The following EPC1 variants were observed in gnomAD, a reference collection of about 807,000 sequenced individuals.
The protein encoded by EPC1 is enhancer of polycomb 1.
Under a neutral mutation model 98.4 loss-of-function variants are expected in EPC1, and 12 were observed. The observed-to-expected ratio is 0.12, with a 90% CI of 0.08 to 0.20. EPC1 has a LOEUF of 0.20. Among genes scored for constraint, EPC1 ranks in the 10% least tolerant of loss-of-function variants. The pLI is 1.00. For missense variants in EPC1, 729 were observed against 990.5 expected, an observed-to-expected ratio of 0.74 and a Z score of 3.54; for synonymous variants, 357 against 363.9, an observed-to-expected ratio of 0.98 and a Z score of 0.21.
chr10:32,372,180 C>T (rs1292080441), intron 1 of EPC1, among the ~76,000 whole-genome samples: 3 of 152,130 alleles, frequency 2.0e-5, no homozygotes, highest in Non-Finnish European at 4.4e-5. Flanking sequence ...TGAAAATTCT[C>T]ATGCCCCACC....
intron 1 of EPC1, among the ~76,000 whole-genome samples, chr10:32,322,862 A>G (rs1218765716): frequency 6.6e-6 from 1 of 152,178 alleles, no homozygotes; most frequent in Non-Finnish European, 1.5e-5. Context: ...TAAAGAAGGG[A>G]TGATTAACGG....
At position 32,269,053 on chromosome 10, in the gene EPC1, T is replaced by C. The variant is rs1835709395; in HGVS notation, c.*10A>G. On this transcript the variant is annotated 3_prime_UTR_variant, in exon 14 of 14. Transcript: ENST00000319778. ...TCAAGTCCCCAGGCTGCAGTTCCAC[T>C]CGGAGGAAGCTACGTCACCTCCATC... 1.2e-6 allele frequency: 2 copies of C among 1,612,454 alleles called. No homozygotes were observed. Among genetic ancestry groups the C allele is most frequent in the African/African-American group, 1.3e-5 (1 of 74,868 alleles).
At chr10:32,304,590 C>A (rs1193767863) in intron 2 of EPC1, among the ~76,000 whole-genome samples, 3 of 152,160 alleles carry the variant, frequency 2.0e-5, no homozygotes, top group East Asian at 3.9e-4. Flanking sequence ...TTTACGCTGT[C>A]CTAAAGAAAA....
At chr10:32,370,831 C>T (rs540611989) in intron 1 of EPC1, among the ~76,000 whole-genome samples, 3 of 152,162 alleles carry the variant, frequency 2.0e-5, no homozygotes, top group Non-Finnish European at 2.9e-5. Context: ...TAGTGAGTAC[C>T]GTATTGGACA....
At chr10:32,338,606 GCCT>G (rs1838126166) in intron 1 of EPC1, among the ~76,000 whole-genome samples, 2 of 152,024 alleles carry the variant, frequency 1.3e-5, no homozygotes, top group Admixed American at 1.3e-4. Flanking sequence ...GAGTACAATG[GCCT>G]CCTGTTTCAG....
intron 1 of EPC1, among the ~76,000 whole-genome samples, chr10:32,324,472 G>A (rs959407464): frequency 6.6e-6 from 1 of 150,982 alleles, no homozygotes; most frequent in Non-Finnish European, 1.5e-5. Flanking sequence ...CCAGGCTGCA[G>A]TGAGCCGAGA....
intron 10 of EPC1, chr10:32,274,149 C>T (rs1262781400): frequency 6.8e-6 from 1 of 147,612 alleles, no homozygotes; most frequent in Admixed American, 6.7e-5. Flanking sequence ...AAAAAAAAAG[C>T]ACATACAATC....
At chr10:32,289,106 TG>T (rs34644592) in intron 6 of EPC1, among the ~76,000 whole-genome samples, 12,852 of 151,574 alleles carry the variant, frequency 0.085, 590 homozygotes, top group Admixed American at 0.12. Flanking sequence ...AAAGTAACAG[TG>T]GGAACAATCC....
intron 1 of EPC1, among the ~76,000 whole-genome samples, chr10:32,373,160 T>C (rs1236520071): frequency 6.6e-6 from 1 of 152,214 alleles, no homozygotes; most frequent in Non-Finnish European, 1.5e-5. Context: ...TTCATTTCTG[T>C]GTAACATGGG....
chr10:32,366,904 A>G (rs1839618027), intron 1 of EPC1, among the ~76,000 whole-genome samples: 1 of 152,248 alleles, frequency 6.6e-6, no homozygotes, highest in Admixed American at 6.5e-5. Context: ...GGCAAATTCC[A>G]GAGCTAAAAA....
chr10:32,341,780 T>C (rs1838371908), intron 1 of EPC1, among the ~76,000 whole-genome samples: 1 of 152,194 alleles, frequency 6.6e-6, no homozygotes, highest in Admixed American at 6.5e-5. Context: ...TTTGACTAAG[T>C]CTATTTAGTA....
chr10:32,366,977 C>CGTATGTATGTATGTAT lies in EPC1; in HGVS notation c.3+11498_3+11513dup, dbSNP rs368610986. On this transcript the variant is annotated intron_variant, in intron 1 of 13. Coordinates refer to the EPC1 transcript ENST00000375110. ...CATCACTAACCATCCAAACTATGTA[C>CGTATGTATGTATGTAT]GTATGTATGTATGTATGTATGTATT... Among the ~76,000 whole-genome samples, 334 of 151,900 alleles carry CGTATGTATGTATGTAT rather than the reference C, an allele frequency of 2.2e-3. 3 individuals carry two copies. Among genetic ancestry groups the CGTATGTATGTATGTAT allele is most frequent in the African/African-American group, 7.4e-3 (304 of 41,292 alleles).
intron 1 of EPC1, among the ~76,000 whole-genome samples, chr10:32,327,062 G>A (rs866470700): frequency 2.8e-5 from 4 of 142,268 alleles, no homozygotes; most frequent in Non-Finnish European, 6.0e-5. Flanking sequence ...AAAATGTGGT[G>A]ACACACACAC....
intron 1 of EPC1, among the ~76,000 whole-genome samples, chr10:32,311,229 C>T (rs1836206557): frequency 6.6e-6 from 1 of 151,736 alleles, no homozygotes; most frequent in African/African-American, 2.4e-5. Flanking sequence ...AGGAGAATGG[C>T]ATGAACCCAG....
chr10:32,359,574 C>T (rs901311519), intron 1 of EPC1, among the ~76,000 whole-genome samples: 12 of 152,214 alleles, frequency 7.9e-5, no homozygotes, highest in Admixed American at 5.2e-4. Context: ...AACAGCATAG[C>T]ATGGGCTTGC....
rs531300271 is a variant in EPC1 at position 32,328,082 on chromosome 10, TCAACC to T, written c.153+18676_153+18680del. On this transcript the variant is annotated intron_variant, in intron 1 of 13. Coordinates refer to ENST00000319778, the MANE Select transcript of EPC1 (RefSeq NM_001272004.3). ...TTGCACAGTTGGAAGAAAAGATTTCTCAACCCCAAGCCATAAGTTTAAAAACCACC... is the reference window on the plus strand; with the variant it reads ...TTGCACAGTTGGAAGAAAAGATTTCTCCAAGCCATAAGTTTAAAAACCACC... 1.1e-3 allele frequency among the ~76,000 whole-genome samples: 171 copies of T among 152,212 alleles called. 1 individual carries two copies. Among genetic ancestry groups the T allele is most frequent in the African/African-American group, 3.9e-3 (161 of 41,508 alleles).
In EPC1 at chr10:32,288,410, G is replaced by T. The variant is rs143762012; in HGVS notation, c.976-1136C>A. Among the ~76,000 whole-genome samples the T allele has an allele frequency of 6.2e-3, 926 of 150,562 alleles. 13 individuals are homozygous for T. The highest frequency in any genetic ancestry group is 0.02 in the African/African-American group (807 of 40,770). ...GCACACTGCAATCTCCGCCTCCCAG[G>T]TTCAAGTGATTCTCCTGCCTCAGCC... On this transcript the variant is annotated intron_variant, in intron 6 of 13. Coordinates refer to ENST00000319778, the MANE Select transcript of EPC1 (RefSeq NM_001272004.3).
intron 13 of EPC1, among the ~76,000 whole-genome samples, chr10:32,270,949 G>A (rs1359652939): frequency 6.6e-6 from 1 of 151,340 alleles, no homozygotes; most frequent in Non-Finnish European, 1.5e-5. Context: ...AACGCTCTCA[G>A]GAGAACTCCT....
At chr10:32,372,896 C>T (rs1015444003) in intron 1 of EPC1, among the ~76,000 whole-genome samples, 10 of 152,022 alleles carry the variant, frequency 6.6e-5, no homozygotes, top group African/African-American at 1.7e-4. Context: ...TGGTGGCGGG[C>T]GCCTGTAATC....
Sources: allele counts gnomAD v4.1 joint callset (sites outside exome capture counted in the v4.1 genomes callset), GRCh38; gene constraint gnomAD v4.1.1; transcripts MANE v1.5; gene names NCBI Gene and HGNC (gene_info 2026-07-23, HGNC 2026-07-21).